The following TAFA4 variants were observed in gnomAD, a reference collection of about 807,000 sequenced individuals.
TAFA4 encodes the protein TAFA chemokine like family member 4.
A neutral mutation model predicts 21.1 loss-of-function variants in TAFA4; 20 were observed. The ratio of observed to expected loss-of-function variants is 0.95; its 90% confidence interval spans 0.67 to 1.38. The LOEUF is 1.38. Ranked by LOEUF, TAFA4 falls within the 40% of genes most tolerant of loss-of-function variation. The probability of loss-of-function intolerance (pLI) is 0.00; values close to 1 mark genes in which losing one functional copy is unlikely to be tolerated. For synonymous variants in TAFA4, 71 were observed against 67.4 expected (o/e 1.05, Z -0.26); for missense variants, 211 against 180.9 (o/e 1.17, Z -0.95).
intron 1 of TAFA4, among the ~76,000 whole-genome samples, chr3:68,899,660 C>T (rs1559557549): frequency 6.6e-6 from 1 of 152,150 alleles, no homozygotes; most frequent in Admixed American, 6.6e-5. Flanking sequence ...AACATCCTGG[C>T]AGCAAGTATA....
intron 5 of TAFA4, among the ~76,000 whole-genome samples, chr3:68,737,446 A>T (rs929472398): frequency 6.6e-6 from 1 of 152,160 alleles, no homozygotes; most frequent in East Asian, 1.9e-4. Flanking sequence ...AGCAGATATC[A>T]GATCGTTATC....
chr3:68,837,665 A>G (rs1204801115), intron 3 of TAFA4, among the ~76,000 whole-genome samples: 3 of 152,192 alleles, frequency 2.0e-5, no homozygotes, highest in African/African-American at 7.2e-5. Flanking sequence ...TGACCCTAGG[A>G]TATCACTTTA....
rs1298798087 is a variant in TAFA4 at position 68,732,157 on chromosome 3, G to A, written c.*985C>T. The A allele has an allele frequency of 6.6e-6, 1 of 152,508 alleles. No individual in the cohort carries two copies. Among genetic ancestry groups the A allele is most frequent in the Non-Finnish European group, 1.5e-5 (1 of 68,018 alleles). 9.4% of individuals were successfully genotyped at this position (152,508 alleles called of 1,614,324 possible). A position where few individuals can be genotyped will look rare whatever the true frequency, so the allele number is the denominator to read the frequency against. ...AAATCATTAAGCCAATCAGGACTCA[G>A]ATTTTAAAGAAATAAGATGGCTAAC... On this transcript the variant is annotated 3_prime_UTR_variant, in exon 6 of 6. Coordinates refer to ENST00000295569, the MANE Select transcript of TAFA4 (RefSeq NM_182522.5).
chr3:68,931,615 C>T (rs77839361), intron 1 of TAFA4, among the ~76,000 whole-genome samples: 3,681 of 152,248 alleles, frequency 0.024, 137 homozygotes, highest in African/African-American at 0.084. Flanking sequence ...CCTTGGTGGG[C>T]AAATCTGAGA....
intron 1 of TAFA4, among the ~76,000 whole-genome samples, chr3:68,916,632 A>G (rs2090007322): frequency 6.6e-6 from 1 of 152,206 alleles, no homozygotes; most frequent in Non-Finnish European, 1.5e-5. Flanking sequence ...TGATACAAAA[A>G]TGTTGTTCTT....
chr3:68,784,070 C>T (rs1008678097), intron 3 of TAFA4, among the ~76,000 whole-genome samples: 1 of 152,176 alleles, frequency 6.6e-6, no homozygotes, highest in Non-Finnish European at 1.5e-5. Flanking sequence ...TCCAAAGGGT[C>T]ACACGTTAAC....
chr3:68,827,244 C>T (rs909240711), intron 3 of TAFA4, among the ~76,000 whole-genome samples: 2 of 152,162 alleles, frequency 1.3e-5, no homozygotes, highest in African/African-American at 4.8e-5. Flanking sequence ...CATAGTATTT[C>T]ATGGCGTGTA....
At chr3:68,783,339 T>C (rs1486107060) in intron 3 of TAFA4, among the ~76,000 whole-genome samples, 1 of 152,160 alleles carries the variant, frequency 6.6e-6, no homozygotes, top group Non-Finnish European at 1.5e-5. Context: ...GCAGATTACA[T>C]GGTCATTCAT....
At chr3:68,917,772 AAG>A (rs1559562940) in intron 1 of TAFA4, among the ~76,000 whole-genome samples, 3 of 144,806 alleles carry the variant, frequency 2.1e-5, no homozygotes, top group Admixed American at 6.9e-5. Flanking sequence ...AAAAAAAAAA[AAG>A]AAAGTTCCCA....
rs1238730679 is a variant in TAFA4 at position 68,752,896 on chromosome 3, C to T, written c.253G>A (p.Gly85Ser). Reference protein sequence around the residue: ...KCSCFPGQVAGTTRAQPSCVE... With the variant: ...KCSCFPGQVASTTRAQPSCVE... ...CAAGAAGGTTGAGCCCGAGTTGTGC[C>T]CGCCACCTGTCCCGGGAAGCAAGAG... The change falls in exon 4 of 6, where the codon GGC becomes AGC. Residue 85 changes from glycine (G) to serine (S), a missense_variant. By Grantham distance (56) the Gly-to-Ser change is moderately conservative. Transcript: ENST00000295569. 1 of 1,614,018 alleles carries T rather than the reference C, an allele frequency of 6.2e-7. No individual in the cohort carries two copies. Among genetic ancestry groups the T allele is most frequent in the African/African-American group, 1.3e-5 (1 of 74,966 alleles).
At chr3:68,891,063 TCAC>T (rs1360164943) in intron 1 of TAFA4, among the ~76,000 whole-genome samples, 3 of 152,168 alleles carry the variant, frequency 2.0e-5, no homozygotes, top group African/African-American at 7.2e-5. Flanking sequence ...TTGAGGGCCT[TCAC>T]CACCATTTTT....
intron 4 of TAFA4, among the ~76,000 whole-genome samples, chr3:68,751,231 A>T (rs1702552702): frequency 1.3e-5 from 2 of 152,222 alleles, no homozygotes; most frequent in Admixed American, 1.3e-4. Context: ...GCCATGGTAA[A>T]GAACTCCTGG....
intron 5 of TAFA4, among the ~76,000 whole-genome samples, chr3:68,735,156 C>T (rs1222671444): frequency 1.3e-5 from 2 of 151,648 alleles, no homozygotes; most frequent in Non-Finnish European, 2.9e-5. Context: ...AAGGAGTCAT[C>T]TGAGCTGGAC....
At chr3:68,905,873 C>T (rs186604434) in intron 1 of TAFA4, among the ~76,000 whole-genome samples, 2 of 152,306 alleles carry the variant, frequency 1.3e-5, no homozygotes, top group Admixed American at 6.5e-5. Flanking sequence ...AGCAGGCTTC[C>T]AAGCAAGCCA....
intron 3 of TAFA4, among the ~76,000 whole-genome samples, chr3:68,794,284 T>C (rs900662357): frequency 2.6e-5 from 4 of 152,152 alleles, no homozygotes; most frequent in African/African-American, 9.7e-5. Flanking sequence ...AACTAATCAT[T>C]AACATGGGGA....
chr3:68,804,384 T>A (rs1241996181), intron 3 of TAFA4, among the ~76,000 whole-genome samples: 1 of 152,066 alleles, frequency 6.6e-6, no homozygotes, highest in East Asian at 1.9e-4. Flanking sequence ...CCAAGGTAAT[T>A]TATAGATTCA....
chr3:68,749,222 TATATA>T (rs1702516612), intron 4 of TAFA4, among the ~76,000 whole-genome samples: 1 of 152,226 alleles, frequency 6.6e-6, no homozygotes, highest in Non-Finnish European at 1.5e-5. Flanking sequence ...TTTCCCTGTT[TATATA>T]ATATAATCTA....
chr3:68,813,859 A>T (rs1192779243), intron 3 of TAFA4, among the ~76,000 whole-genome samples: 1 of 152,152 alleles, frequency 6.6e-6, no homozygotes, highest in African/African-American at 2.4e-5. Flanking sequence ...CAGAGACACA[A>T]CAAAAAAAGA....
At chr3:68,766,585 T>G (rs1031948332) in intron 3 of TAFA4, among the ~76,000 whole-genome samples, 1 of 147,934 alleles carries the variant, frequency 6.8e-6, no homozygotes, top group Non-Finnish European at 1.5e-5. Flanking sequence ...AAAGCAAAGA[T>G]AAAGAGATGA....
Sources: allele counts gnomAD v4.1 joint callset (sites outside exome capture counted in the v4.1 genomes callset), GRCh38; gene constraint gnomAD v4.1.1; transcripts MANE v1.5; gene names NCBI Gene and HGNC (gene_info 2026-07-23, HGNC 2026-07-21).